The following ST6GALNAC3 variants were observed in gnomAD, a reference collection of about 807,000 sequenced individuals.
ST6GALNAC3 encodes alpha-N-acetylgalactosaminide alpha-2,6-sialyltransferase 3.
A neutral mutation model predicts 32.7 loss-of-function variants in ST6GALNAC3; 25 were observed. The ratio of observed to expected loss-of-function variants is 0.76; its 90% CI spans 0.56 to 1.07. The LOEUF (loss-of-function observed/expected upper bound fraction) is 1.07. ST6GALNAC3 is among the 50% of genes least tolerant of loss of function. The pLI is 0.00. For missense variants in ST6GALNAC3, 355 were observed against 382.4 expected, an observed-to-expected ratio of 0.93 and a Z score of 0.60; for synonymous variants, 129 against 133.1, an observed-to-expected ratio of 0.97 and a Z score of 0.21.
At chr1:76,392,638 G>T (rs968186547) in intron 2 of ST6GALNAC3, among the ~76,000 whole-genome samples, 1 of 152,152 alleles carries the variant, frequency 6.6e-6, no homozygotes, top group African/African-American at 2.4e-5. Flanking sequence ...TAATCAGCCT[G>T]GGACTGGAGT....
chr1:76,410,285 ATTTGCATTGGTT>A (rs1386077109), intron 2 of ST6GALNAC3, among the ~76,000 whole-genome samples: 2 of 151,946 alleles, frequency 1.3e-5, no homozygotes, highest in Admixed American at 6.6e-5. Context: ...GCCTCAGGGT[ATTTGCATTGGTT>A]TTTGCATTTG....
At chr1:76,606,068 A>T (rs1478731175) in intron 3 of ST6GALNAC3, among the ~76,000 whole-genome samples, 1 of 152,026 alleles carries the variant, frequency 6.6e-6, no homozygotes, top group Non-Finnish European at 1.5e-5. Flanking sequence ...AAGAAACAAC[A>T]GATGCTAGTG....
intron 1 of ST6GALNAC3, among the ~76,000 whole-genome samples, chr1:76,087,015 T>C (rs1482908356): frequency 6.6e-6 from 1 of 152,224 alleles, no homozygotes; most frequent in East Asian, 1.9e-4. Flanking sequence ...ATCTCATTCT[T>C]TGGCTGGGAG....
intron 2 of ST6GALNAC3, among the ~76,000 whole-genome samples, chr1:76,343,086 C>T (rs1391461793): frequency 6.6e-6 from 1 of 151,990 alleles, no homozygotes; most frequent in African/African-American, 2.4e-5. Flanking sequence ...AATTCAGTCC[C>T]GTTTGTCTAT....
At chr1:76,474,620 G>A (rs917179646) in intron 3 of ST6GALNAC3, among the ~76,000 whole-genome samples, 1 of 152,174 alleles carries the variant, frequency 6.6e-6, no homozygotes, top group Non-Finnish European at 1.5e-5. Context: ...GGAGTCAGGT[G>A]ATTAGAATAG....
chr1:76,431,387 G>T (rs931159650), intron 3 of ST6GALNAC3, among the ~76,000 whole-genome samples: 3 of 152,012 alleles, frequency 2.0e-5, no homozygotes, highest in Non-Finnish European at 4.4e-5. Context: ...TTAAATCAAA[G>T]GTAGCTGAAA....
chr1:76,592,120 G>C (rs576672999), intron 3 of ST6GALNAC3, among the ~76,000 whole-genome samples: 1 of 152,236 alleles, frequency 6.6e-6, no homozygotes, highest in East Asian at 1.9e-4. Context: ...TTTAATCAAG[G>C]AGAATGACAT....
At chr1:76,506,577 T>C (rs1661491364) in intron 3 of ST6GALNAC3, among the ~76,000 whole-genome samples, 1 of 152,206 alleles carries the variant, frequency 6.6e-6, no homozygotes, top group Non-Finnish European at 1.5e-5. Flanking sequence ...TTTGGTTCCA[T>C]ATTGGGGGAT....
chr1:76,198,709 G>T (rs1654351690), intron 1 of ST6GALNAC3, among the ~76,000 whole-genome samples: 1 of 152,154 alleles, frequency 6.6e-6, no homozygotes, highest in African/African-American at 2.4e-5. Flanking sequence ...CAAGAGGAGG[G>T]ACATACTTAC....
intron 3 of ST6GALNAC3, among the ~76,000 whole-genome samples, chr1:76,522,678 A>T (rs1051702635): frequency 6.6e-6 from 1 of 152,190 alleles, no homozygotes; most frequent in Non-Finnish European, 1.5e-5. Context: ...GGTTAGGCTG[A>T]TCTACATTTC....
intron 3 of ST6GALNAC3, among the ~76,000 whole-genome samples, chr1:76,485,808 G>C (rs901232708): frequency 1.3e-5 from 2 of 152,080 alleles, no homozygotes; most frequent in Non-Finnish European, 2.9e-5. Context: ...TCTTTTAATT[G>C]TGATGTTAGG....
intron 1 of ST6GALNAC3, among the ~76,000 whole-genome samples, chr1:76,275,794 T>C (rs11811944): frequency 0.12 from 17,692 of 152,270 alleles, 1,098 homozygotes; most frequent in Middle Eastern, 0.17. Flanking sequence ...GTCTTGTATA[T>C]ACTTGTATTG....
At chr1:76,504,842 TAAG>T (rs1255187910) in intron 3 of ST6GALNAC3, among the ~76,000 whole-genome samples, 2 of 152,214 alleles carry the variant, frequency 1.3e-5, no homozygotes, top group Non-Finnish European at 2.9e-5. Context: ...GTTATTTTAA[TAAG>T]AAGCATATTA....
intron 3 of ST6GALNAC3, among the ~76,000 whole-genome samples, chr1:76,500,585 T>C (rs1661118297): frequency 6.6e-6 from 1 of 152,196 alleles, no homozygotes. Context: ...CTGTGATAAA[T>C]TTATTTTCCC....
intron 3 of ST6GALNAC3, among the ~76,000 whole-genome samples, chr1:76,539,456 G>A (rs555346808): frequency 6.6e-6 from 1 of 152,260 alleles, no homozygotes; most frequent in East Asian, 1.9e-4. Flanking sequence ...ATAGGCATGG[G>A]CAAAGACTTC....
intron 3 of ST6GALNAC3, among the ~76,000 whole-genome samples, chr1:76,469,948 G>A (rs1369920351): frequency 2.0e-5 from 3 of 151,984 alleles, no homozygotes; most frequent in Non-Finnish European, 4.4e-5. Flanking sequence ...CTTTTTACTT[G>A]CAGTGAAACT....
chr1:76,542,412 A>G (rs1664043993), intron 3 of ST6GALNAC3, among the ~76,000 whole-genome samples: 1 of 152,192 alleles, frequency 6.6e-6, no homozygotes, highest in Non-Finnish European at 1.5e-5. Context: ...GGCTCAAAAA[A>G]TGAAGCCTGC....
Position 76,501,031 on chromosome 1 carries a change from C to T in ST6GALNAC3, c.623+88614C>T, listed in dbSNP as rs553905554. On this transcript the variant is annotated intron_variant, in intron 3 of 4. Coordinates refer to ENST00000328299, the MANE Select transcript of ST6GALNAC3 (RefSeq NM_152996.4). ...AATCCTAAGGTAGTGGGGGGAAGAC[C>T]CCAGGAGGAGGAGGAAGACTGGAAT... Among the ~76,000 whole-genome samples the T allele has an allele frequency of 2.0e-5, 3 of 152,250 alleles. No homozygotes were observed. The East Asian group carries it at 5.8e-4, about 29-fold the overall frequency.
rs190853541 is a variant in ST6GALNAC3 at position 76,512,320 on chromosome 1, A to G, written c.623+99903A>G. Among the ~76,000 whole-genome samples, 601 of 152,266 alleles carry G rather than the reference A, an allele frequency of 3.9e-3. 3 individuals are homozygous for G. Among genetic ancestry groups the G allele is most frequent in the Non-Finnish European group, 5.6e-3 (378 of 68,016 alleles). On this transcript the variant is annotated intron_variant, in intron 3 of 4. Transcript: ENST00000328299. ...AGTCTGTTCCTTTTTCTATGCATGT[A>G]TGCATCCATGCATACACCATGTATT...
Sources: allele counts gnomAD v4.1 joint callset (sites outside exome capture counted in the v4.1 genomes callset), GRCh38; gene constraint gnomAD v4.1.1; transcripts MANE v1.5; gene names NCBI Gene and HGNC (gene_info 2026-07-23, HGNC 2026-07-21).